ERCC8: variants seen among roughly 807,000 people sequenced by gnomAD.
ERCC8 encodes DNA excision repair protein ERCC-8.
In ERCC8, 52 loss-of-function variants were observed where a neutral mutation model predicts 54.9. The observed-to-expected ratio is 0.95, with a 90% confidence interval of 0.76 to 1.19. The LOEUF is 1.19. ERCC8 is among the 50% of genes most tolerant of loss of function. The probability of loss-of-function intolerance (pLI) is 0.00; values close to 1 mark genes in which losing one functional copy is unlikely to be tolerated. For synonymous variants in ERCC8, 146 were observed against 157.2 expected, an observed-to-expected ratio of 0.93 and a Z score of 0.53; for missense variants, 514 against 466.1, an observed-to-expected ratio of 1.10 and a Z score of -0.95.
In ERCC8 at chr5:60,904,630, GTGTGTATATATATA is replaced by G. The variant is rs1247113815; in HGVS notation, c.481+148_481+161del. ...TCTGTTGAATATATATAGTGTGTGTGTGTGTATATATATATATATATATATATATATATATATAT... is the reference window on the plus strand; with the variant it reads ...TCTGTTGAATATATATAGTGTGTGTGTATATATATATATATATATATATAT... On this transcript the variant is annotated intron_variant, in intron 5 of 11. Coordinates refer to ENST00000676185, the MANE Select transcript of ERCC8 (RefSeq NM_000082.4). 1.1e-3 allele frequency among the ~76,000 whole-genome samples: 51 copies of G among 44,572 alleles called. 1 individual carries two copies. Among genetic ancestry groups the G allele is most frequent in the East Asian group, 4.5e-3 (3 of 664 alleles). 29.2% of individuals were successfully genotyped at this position (44,572 alleles called of 152,430 possible).
At chr5:60,889,977 T>G (rs1452120772) in intron 10 of ERCC8, among the ~76,000 whole-genome samples, 1 of 151,984 alleles carries the variant, frequency 6.6e-6, no homozygotes, top group Non-Finnish European at 1.5e-5. Context: ...GTCTAAGAGG[T>G]CCCAGGGAAG....
At chr5:60,888,063 A>G (rs192366219) in intron 10 of ERCC8, among the ~76,000 whole-genome samples, 3 of 152,320 alleles carry the variant, frequency 2.0e-5, no homozygotes, top group Admixed American at 2.0e-4. Flanking sequence ...CAATGTCTAC[A>G]GATATGCTGT....
chr5:60,893,244 T>C (rs1748620311), intron 9 of ERCC8: 3 of 1,009,528 alleles, frequency 3.0e-6, no homozygotes, highest in Non-Finnish European at 4.8e-6. Flanking sequence ...GCCTTCATAG[T>C]GGCCTCGTCA....
intron 1 of ERCC8, among the ~76,000 whole-genome samples, chr5:60,943,086 CAT>C (rs1750311346): frequency 6.6e-6 from 1 of 151,944 alleles, no homozygotes; most frequent in Admixed American, 6.6e-5. Context: ...GAATGGGAAA[CAT>C]AGGGAGACCC....
At chr5:60,916,489 TTTA>T (rs1443228800) in intron 4 of ERCC8, among the ~76,000 whole-genome samples, 1 of 152,104 alleles carries the variant, frequency 6.6e-6, no homozygotes. Flanking sequence ...CTGTTTATGC[TTTA>T]TCTAGCTTTT....
At chr5:60,903,852 G>A in intron 5 of ERCC8, 136 bp from the exon 6 acceptor site, 1 of 825,132 alleles carries the variant, frequency 1.2e-6, no homozygotes, top group East Asian at 2.7e-5. Context: ...AAATTACATT[G>A]TCATTTTTAA....
At chr5:60,933,723 C>G (rs1220232370) in intron 1 of ERCC8, among the ~76,000 whole-genome samples, 3 of 152,126 alleles carry the variant, frequency 2.0e-5, no homozygotes, top group African/African-American at 7.2e-5. Flanking sequence ...ACCTTCACCC[C>G]ACTTCCACCC....
At chr5:60,889,463 A>G (rs569191733) in intron 10 of ERCC8, among the ~76,000 whole-genome samples, 41 of 152,042 alleles carry the variant, frequency 2.7e-4, no homozygotes, top group Middle Eastern at 3.4e-3. Flanking sequence ...ATACCACCAC[A>G]CCTGGCTGAT....
intron 11 of ERCC8, among the ~76,000 whole-genome samples, chr5:60,876,547 C>T (rs965449479): frequency 8.5e-5 from 13 of 152,168 alleles, no homozygotes; most frequent in Admixed American, 5.2e-4. Flanking sequence ...ACCTGTTGTT[C>T]CCTGACTTTT....
chr5:60,902,718 G>T (rs1318221532), intron 6 of ERCC8, among the ~76,000 whole-genome samples: 1 of 151,980 alleles, frequency 6.6e-6, no homozygotes, highest in Non-Finnish European at 1.5e-5. Flanking sequence ...TATTGTAAAA[G>T]AACTGGTTTT....
intron 10 of ERCC8, among the ~76,000 whole-genome samples, chr5:60,890,005 C>T (rs145014758): frequency 6.6e-6 from 1 of 151,852 alleles, no homozygotes; most frequent in Non-Finnish European, 1.5e-5. Flanking sequence ...GGCTGGAGGT[C>T]GCTTGGGGGC....
chr5:60,919,131 T>C (rs1043857412), intron 3 of ERCC8, among the ~76,000 whole-genome samples: 1 of 152,038 alleles, frequency 6.6e-6, no homozygotes, highest in African/African-American at 2.4e-5. Context: ...TTAATATAGA[T>C]AATTTTTGTG....
chr5:60,919,051 G>A (rs1367524567), intron 3 of ERCC8, among the ~76,000 whole-genome samples: 1 of 152,012 alleles, frequency 6.6e-6, no homozygotes, highest in Non-Finnish European at 1.5e-5. Context: ...ACTGGATCTT[G>A]ATTCAAACAA....
intron 3 of ERCC8, among the ~76,000 whole-genome samples, chr5:60,918,886 A>C (rs1218846908): frequency 2.0e-5 from 3 of 152,042 alleles, no homozygotes; most frequent in Middle Eastern, 3.2e-3. Flanking sequence ...TAGGCCCATG[A>C]GATTCACATC....
At chr5:60,944,853 G>A (rs1750387278) in intron 1 of ERCC8, 79 bp downstream of exon 1, 4 of 1,056,184 alleles carry the variant, frequency 3.8e-6, no homozygotes, top group Non-Finnish European at 4.5e-6. Flanking sequence ...CGATGAGACG[G>A]GAAAGTGTGG....
intron 2 of ERCC8, chr5:60,924,483 A>G (rs1749692398): frequency 6.5e-6 from 1 of 154,536 alleles, no homozygotes; most frequent in Non-Finnish European, 1.5e-5. Flanking sequence ...TATTTCCTTG[A>G]GCATCTTGGA....
Position 60,872,741 on chromosome 5 carries a change from G to A in ERCC8, c.*1874C>T, listed in dbSNP as rs1484409630. Among the ~76,000 whole-genome samples, 1 of 152,194 alleles carries A rather than the reference G, an allele frequency of 6.6e-6. No individual in the cohort carries two copies. The highest frequency in any genetic ancestry group is 2.4e-5 in the African/African-American group (1 of 41,446). Reference sequence around the variant, plus strand: ...GAATGTAAATTAGTACAGCCATTATGGAAGACAGTATGGAGTTTCTGCAAA... The same window carrying A: ...GAATGTAAATTAGTACAGCCATTATAGAAGACAGTATGGAGTTTCTGCAAA... On this transcript the variant is annotated 3_prime_UTR_variant, in exon 12 of 12. Coordinates refer to ENST00000676185, the MANE Select transcript of ERCC8 (RefSeq NM_000082.4).
intron 11 of ERCC8, among the ~76,000 whole-genome samples, chr5:60,877,294 A>G (rs2112456201): frequency 6.6e-6 from 1 of 152,300 alleles, no homozygotes; most frequent in South Asian, 2.1e-4. Flanking sequence ...CTTGTAGTAT[A>G]GTTTGAAGTC....
At chr5:60,895,479 G>A (rs1002567378) in intron 9 of ERCC8, among the ~76,000 whole-genome samples, 2 of 152,082 alleles carry the variant, frequency 1.3e-5, no homozygotes, top group Admixed American at 6.5e-5. Flanking sequence ...TAACCACTTC[G>A]TTTCATTCTT....
Sources: gnomAD v4.1 joint callset for allele counts (sites outside exome capture counted in the v4.1 genomes callset) on GRCh38, gnomAD v4.1.1 for gene constraint, MANE v1.5 for transcripts, NCBI Gene and HGNC (gene_info 2026-07-23, HGNC 2026-07-21) for gene names.